KIF13A: variants seen among roughly 807,000 people sequenced by gnomAD.
KIF13A encodes kinesin family member 13A, also known as kinesin-like protein KIF13A.
KIF13A carries 79 observed loss-of-function variants against 212.2 expected under a neutral mutation model. The observed-to-expected ratio is 0.37, with a 90% CI of 0.31 to 0.45. The LOEUF (loss-of-function observed/expected upper bound fraction) is 0.45, where lower values mean the gene tolerates loss of function less well. KIF13A is among the 20% of genes least tolerant of loss of function. KIF13A has a pLI of 1.00. For missense variants in KIF13A, 1,901 were observed against 2,209.0 expected (o/e 0.86, Z 2.79); for synonymous variants, 789 against 808.6 (o/e 0.98, Z 0.41).
intron 17 of KIF13A, chr6:17,815,559 T>C: frequency 2.4e-6 from 1 of 413,606 alleles, no homozygotes; most frequent in Non-Finnish European, 5.0e-6. Flanking sequence ...AACAGAGGGC[T>C]TACACTTGTC....
chr6:17,945,928 G>T (rs528593011), intron 2 of KIF13A, among the ~76,000 whole-genome samples: 2 of 152,196 alleles, frequency 1.3e-5, no homozygotes, highest in African/African-American at 4.8e-5. Flanking sequence ...GATCAGGCTG[G>T]ACTATTCAAT....
At chr6:17,942,451 T>C (rs1171785823) in intron 2 of KIF13A, among the ~76,000 whole-genome samples, 2 of 152,136 alleles carry the variant, frequency 1.3e-5, no homozygotes, top group Non-Finnish European at 2.9e-5. Context: ...ATTAGCTGTA[T>C]AATTTCCAAA....
At chr6:17,976,828 G>T (rs1780569332) in intron 2 of KIF13A, among the ~76,000 whole-genome samples, 1 of 151,518 alleles carries the variant, frequency 6.6e-6, no homozygotes. Context: ...AAGAGGCTGG[G>T]TGTGGTGGCT....
intron 31 of KIF13A, 96 bp downstream of exon 31, chr6:17,780,634 C>T: frequency 8.7e-7 from 1 of 1,154,002 alleles, no homozygotes; most frequent in Non-Finnish European, 1.2e-6. Context: ...TCATGTTTTG[C>T]ACATCACAGC....
chr6:17,777,383 C>CTTTTT lies in KIF13A; in HGVS notation c.4093-34_4093-30dup. 1 of 1,319,596 alleles carries CTTTTT rather than the reference C, an allele frequency of 7.6e-7. No homozygotes were observed. The highest frequency in any genetic ancestry group is 1.0e-6 in the Non-Finnish European group (1 of 952,760). 81.7% of individuals were successfully genotyped at this position (1,319,596 alleles called of 1,614,324 possible). ...TAAACATAATAATTTGAAAATAACACTTTTTTTTTTTTTCCCCAGAGACAG... is the reference window on the plus strand; with the variant it reads ...TAAACATAATAATTTGAAAATAACACTTTTTTTTTTTTTTTTTTCCCCAGAGACAG... On this transcript the variant is annotated intron_variant, in intron 33 of 38. Transcript: ENST00000259711. This position sits in a 1 kb window ranked among gnomAD's most constrained non-coding sequence, Gnocchi z 4.4.
At chr6:17,860,641 T>G (rs945375178) in intron 4 of KIF13A, among the ~76,000 whole-genome samples, 1 of 151,954 alleles carries the variant, frequency 6.6e-6, no homozygotes, top group African/African-American at 2.4e-5. Flanking sequence ...TATTTTTAAT[T>G]GGGAGCCTCT....
intron 9 of KIF13A, among the ~76,000 whole-genome samples, chr6:17,841,168 G>C (rs1288990419): frequency 6.6e-6 from 1 of 151,130 alleles, no homozygotes; most frequent in African/African-American, 2.4e-5. Flanking sequence ...AACCTCCCAG[G>C]CTCAAGCGAT....
intron 2 of KIF13A, among the ~76,000 whole-genome samples, chr6:17,964,713 G>C (rs1779141688): frequency 6.6e-6 from 1 of 152,088 alleles, no homozygotes; most frequent in South Asian, 2.1e-4. Flanking sequence ...AATGATACTA[G>C]TCTGGCAAAT....
At chr6:17,831,509 GGA>G in intron 12 of KIF13A, among the ~76,000 whole-genome samples, 1 of 151,016 alleles carries the variant, frequency 6.6e-6, no homozygotes, top group Non-Finnish European at 1.5e-5. Context: ...GCACAAAAGA[GGA>G]GAGTGTTGTG....
At chr6:17,781,370 A>G (rs1760561129) in intron 29 of KIF13A, 69 bp from the exon 30 acceptor site, 11 of 1,453,388 alleles carry the variant, frequency 7.6e-6, no homozygotes, top group Non-Finnish European at 1.0e-5. Context: ...CCAAAAATTT[A>G]AATATATGCT....
intron 2 of KIF13A, among the ~76,000 whole-genome samples, chr6:17,901,286 A>G (rs1250934967): frequency 6.6e-6 from 1 of 152,076 alleles, no homozygotes; most frequent in African/African-American, 2.4e-5. Flanking sequence ...TAATACTGAC[A>G]CTATAATCAA....
In KIF13A at chr6:17,773,700, TA is replaced by T. The variant is rs912206811; in HGVS notation, c.4219-118del. On this transcript the variant is annotated intron_variant, in intron 35 of 38. Transcript: ENST00000259711. The surrounding 1 kb of genome is among the most constrained non-coding windows in gnomAD (Gnocchi z 4.2). The stretch of plus-strand genomic sequence containing the variant: ...GGCAGCATATGCTCTTCTTTATTTT[TA>T]TTATGATTTATTTCAAATATACAGA... 11 of 507,180 alleles carry T rather than the reference TA, an allele frequency of 2.2e-5. 1 individual carries two copies. Among genetic ancestry groups the T allele is most frequent in the Non-Finnish European group, 3.5e-5 (10 of 286,336 alleles). The allele number at this position is 507,180 out of a possible 1,614,324, so 31.4% of individuals were successfully genotyped here. A position where few individuals can be genotyped will look rare whatever the true frequency, so the allele number is the denominator to read the frequency against.
At chr6:17,761,231 T>C (rs1245007558), downstream of KIF13A, among the ~76,000 whole-genome samples, 6 of 152,084 alleles carry the variant, frequency 3.9e-5, no homozygotes, top group South Asian at 1.2e-3. Flanking sequence ...ATGTAGCAGA[T>C]ACATTAAATA....
At chr6:17,869,990 T>G (rs1769853674) in intron 4 of KIF13A, among the ~76,000 whole-genome samples, 1 of 152,244 alleles carries the variant, frequency 6.6e-6, no homozygotes. Flanking sequence ...TTAATGTTTT[T>G]ATTCCCAATT....
rs888374328 is a variant in KIF13A at position 17,872,420 on chromosome 6, C to T, written c.220+957G>A. ...AGTAGGAAGAAATAGTTCACGAGCT[C>T]TATTGTACAACACGGTGACTATAGT... On this transcript the variant is annotated intron_variant, in intron 4 of 38. Transcript: ENST00000259711. The surrounding 1 kb of genome is among the most constrained non-coding windows in gnomAD (Gnocchi z 4.7). Among the ~76,000 whole-genome samples the T allele has an allele frequency of 1.3e-5, 2 of 152,064 alleles. No individual in the cohort carries two copies. The highest frequency in any genetic ancestry group is 2.9e-5 in the Non-Finnish European group (2 of 68,022).
chr6:17,812,458 T>C (rs1763510910), intron 17 of KIF13A: 1 of 152,220 alleles, frequency 6.6e-6, no homozygotes, highest in African/African-American at 2.4e-5. Context: ...TGCATTCGTT[T>C]TCTAAGAATG....
chr6:17,797,324 C>T (rs1762132101), intron 22 of KIF13A, among the ~76,000 whole-genome samples: 1 of 151,770 alleles, frequency 6.6e-6, no homozygotes, highest in Admixed American at 6.6e-5. Context: ...CCACCATGCC[C>T]GGCCTCAACC....
chr6:17,977,684 ATTTGTT>A (rs1780697933), intron 2 of KIF13A, among the ~76,000 whole-genome samples: 1 of 152,234 alleles, frequency 6.6e-6, no homozygotes, highest in East Asian at 1.9e-4. Flanking sequence ...AGAATAACTG[ATTTGTT>A]TTTATTTGTT....
At chr6:17,796,919 G>T (rs1762084548) in intron 22 of KIF13A, 99 bp from the exon 23 acceptor site, 1 of 652,202 alleles carries the variant, frequency 1.5e-6, no homozygotes, top group Non-Finnish European at 2.2e-6. Context: ...GAGTATATTA[G>T]CCTGATCGTG....
Sources: gnomAD v4.1 joint callset for allele counts (sites outside exome capture counted in the v4.1 genomes callset) on GRCh38, gnomAD v4.1.1 for gene constraint, Gnocchi (gnomAD v3.1) non-coding constraint, MANE v1.5 for transcripts, NCBI Gene and HGNC (gene_info 2026-07-23, HGNC 2026-07-21) for gene names.